The following ME1 variants were observed in gnomAD, a reference collection of about 807,000 sequenced individuals.
ME1 encodes the protein malic enzyme 1, also known as NADP-dependent malic enzyme.
Under a neutral mutation model 66.4 loss-of-function variants are expected in ME1, and 74 were observed. The observed-to-expected ratio is 1.11, with a 90% CI of 0.92 to 1.35. ME1 has a LOEUF of 1.35. Ranked by LOEUF, ME1 falls within the 40% of genes most tolerant of loss-of-function variation. The pLI, the probability that ME1 is intolerant of heterozygous loss-of-function variation, is 0.00. For synonymous variants in ME1, 251 were observed against 235.6 expected (o/e 1.07, Z -0.60); for missense variants, 750 against 694.1 (o/e 1.08, Z -0.90).
intron 5 of ME1, among the ~76,000 whole-genome samples, chr6:83,329,255 C>T (rs2128541838): frequency 6.6e-6 from 1 of 152,256 alleles, no homozygotes. Flanking sequence ...CCAACATTAG[C>T]ACCTTGATGT....
chr6:83,364,901 C>A (rs986729450), intron 3 of ME1, among the ~76,000 whole-genome samples: 1 of 152,146 alleles, frequency 6.6e-6, no homozygotes, highest in Admixed American at 6.5e-5. Context: ...ATGAAACCAA[C>A]TGCCTCCCCT....
intron 6 of ME1, among the ~76,000 whole-genome samples, chr6:83,297,753 C>T (rs892555014): frequency 5.3e-5 from 8 of 152,216 alleles, no homozygotes; most frequent in East Asian, 1.9e-4. Context: ...CCCCGACACC[C>T]GACAGGCCCC....
At chr6:83,425,871 A>G (rs1211344108) in intron 1 of ME1, among the ~76,000 whole-genome samples, 1 of 151,912 alleles carries the variant, frequency 6.6e-6, no homozygotes, top group African/African-American at 2.4e-5. Flanking sequence ...ATATTACCTG[A>G]CTTCCTACTA....
At chr6:83,311,185 T>A (rs1767924570) in intron 6 of ME1, among the ~76,000 whole-genome samples, 1 of 152,126 alleles carries the variant, frequency 6.6e-6, no homozygotes, top group Admixed American at 6.5e-5. Context: ...CAATATAACC[T>A]ATCTGGGACA....
In ME1 at chr6:83,211,175, C is replaced by T. The variant is rs959899187; in HGVS notation, c.*749G>A. 1 of 152,188 alleles carries T rather than the reference C, an allele frequency of 6.6e-6. No homozygotes were observed. The highest frequency in any genetic ancestry group is 6.6e-5 in the Admixed American group (1 of 15,266). 9.4% of individuals were successfully genotyped at this position (152,188 alleles called of 1,614,324 possible). ...GAAGGTGCCAACCTCGGGACAGGGG[C>T]CACAGTCCACAAAATCCCTGTAGCA... is the stretch of plus-strand genomic sequence containing the variant. On this transcript the variant is annotated 3_prime_UTR_variant, in exon 14 of 14. Transcript: ENST00000369705.
At chr6:83,254,982 C>G (rs556697677) in intron 6 of ME1, among the ~76,000 whole-genome samples, 9 of 152,200 alleles carry the variant, frequency 5.9e-5, no homozygotes, top group South Asian at 2.1e-4. Context: ...ACCACTACCC[C>G]CTGATATCAC....
At chr6:83,223,649 A>T in intron 12 of ME1, 111 bp downstream of exon 12, 1 of 1,034,034 alleles carries the variant, frequency 9.7e-7, no homozygotes, top group Non-Finnish European at 1.4e-6. Flanking sequence ...TTCAGACTTT[A>T]CTTCTTTCAG....
At chr6:83,393,772 G>A (rs1261788665) in intron 3 of ME1, among the ~76,000 whole-genome samples, 1 of 152,096 alleles carries the variant, frequency 6.6e-6, no homozygotes, top group Non-Finnish European at 1.5e-5. Flanking sequence ...TATTATGCTT[G>A]TATTAAGATT....
intron 6 of ME1, among the ~76,000 whole-genome samples, chr6:83,281,593 G>A (rs997781611): frequency 6.6e-6 from 1 of 151,796 alleles, no homozygotes; most frequent in African/African-American, 2.4e-5. Flanking sequence ...ATCACTTGAG[G>A]TCGGGAGTTT....
chr6:83,348,435 C>T (rs1330631471), intron 4 of ME1, among the ~76,000 whole-genome samples: 1 of 152,066 alleles, frequency 6.6e-6, no homozygotes, highest in Admixed American at 6.6e-5. Flanking sequence ...CCTATACTTA[C>T]AAATATTTTT....
At chr6:83,362,733 C>T (rs1401430391) in intron 3 of ME1, among the ~76,000 whole-genome samples, 3 of 152,214 alleles carry the variant, frequency 2.0e-5, no homozygotes, top group Non-Finnish European at 4.4e-5. Context: ...TAGACACTTA[C>T]TTTGGATATG....
chr6:83,319,798 C>G (rs1253475794), intron 5 of ME1, among the ~76,000 whole-genome samples: 2 of 152,098 alleles, frequency 1.3e-5, no homozygotes, highest in African/African-American at 4.8e-5. Flanking sequence ...AACATGTGCC[C>G]AGTTAGATTT....
chr6:83,242,867 T>C (rs1037831790), intron 7 of ME1, among the ~76,000 whole-genome samples: 2 of 152,076 alleles, frequency 1.3e-5, no homozygotes, highest in African/African-American at 4.8e-5. Flanking sequence ...ACCAGACTGA[T>C]ACAGCAAAAC....
At chr6:83,311,862 A>C (rs1242044114) in intron 6 of ME1, among the ~76,000 whole-genome samples, 1 of 152,134 alleles carries the variant, frequency 6.6e-6, no homozygotes, top group Non-Finnish European at 1.5e-5. Context: ...TTTTTGAGAT[A>C]ATTAACGGAA....
intron 1 of ME1, among the ~76,000 whole-genome samples, chr6:83,427,986 T>A (rs1318770352): frequency 4.7e-5 from 7 of 149,222 alleles, no homozygotes; most frequent in Middle Eastern, 3.2e-3. Context: ...CACTCCAGCC[T>A]GGGCAACAGA....
chr6:83,300,503 A>G (rs1402138585), intron 6 of ME1, among the ~76,000 whole-genome samples: 2 of 152,000 alleles, frequency 1.3e-5, no homozygotes, highest in Admixed American at 6.6e-5. Context: ...AAGGTCTAAC[A>G]TCCATTATCT....
At chr6:83,237,279 GGAAGGAAGGAAGGAAAGAAAGAAAA>G (rs1232198241) in intron 9 of ME1, among the ~76,000 whole-genome samples, 802 of 50,578 alleles carry the variant, frequency 0.016, 29 homozygotes, top group African/African-American at 0.024. Context: ...AAGAAAGAAA[GGAAGGAAGGAAGGAAAGAAAGAAAA>G]AGAAAGAAAG....
chr6:83,278,408 C>T (rs184588719), intron 6 of ME1, among the ~76,000 whole-genome samples: 6 of 152,162 alleles, frequency 3.9e-5, no homozygotes, highest in East Asian at 3.9e-4. Flanking sequence ...TTCCAGCAAG[C>T]GGGGAGAGAA....
chr6:83,388,882 A>G (rs908993469), intron 3 of ME1, among the ~76,000 whole-genome samples: 2 of 152,148 alleles, frequency 1.3e-5, no homozygotes, highest in African/African-American at 4.8e-5. Flanking sequence ...TTGGGAGGCC[A>G]AGATGGATGG....
Sources: gnomAD v4.1 joint callset for allele counts (sites outside exome capture counted in the v4.1 genomes callset) on GRCh38, gnomAD v4.1.1 for gene constraint, MANE v1.5 for transcripts, NCBI Gene and HGNC (gene_info 2026-07-23, HGNC 2026-07-21) for gene names.